The following CEP70 variants were observed in gnomAD, a reference collection of about 807,000 sequenced individuals.
CEP70 encodes centrosomal protein 70, also known as centrosomal protein of 70 kDa.
Under a neutral mutation model 90.9 loss-of-function variants are expected in CEP70, and 70 were observed. The ratio of observed to expected loss-of-function variants is 0.77; its 90% CI spans 0.64 to 0.94. CEP70 has a LOEUF of 0.94. Ranked by LOEUF, CEP70 falls within the 40% of genes least tolerant of loss-of-function variation. CEP70 has a pLI of 0.00. For missense variants in CEP70, 648 were observed against 669.0 expected, an observed-to-expected ratio of 0.97 and a Z score of 0.35; for synonymous variants, 220 against 228.3, an observed-to-expected ratio of 0.96 and a Z score of 0.33.
At chr3:138,583,179 A>G (rs115029473) in intron 2 of CEP70, among the ~76,000 whole-genome samples, 4,532 of 152,316 alleles carry the variant, frequency 0.03, 89 homozygotes, top group Middle Eastern at 0.099. Context: ...TATCAGACAA[A>G]AGAGATTTTA....
chr3:138,555,856 A>G (rs2039967777), intron 6 of CEP70, among the ~76,000 whole-genome samples: 1 of 152,228 alleles, frequency 6.6e-6, no homozygotes, highest in African/African-American at 2.4e-5. Flanking sequence ...AACAGTGTGG[A>G]GATTCATTAA....
intron 13 of CEP70, among the ~76,000 whole-genome samples, chr3:138,502,443 C>G: frequency 6.6e-6 from 1 of 152,150 alleles, no homozygotes; most frequent in Middle Eastern, 3.4e-3. Context: ...GTATCTTTAA[C>G]CTTTCAATTG....
At chr3:138,497,992 T>G (rs2034101371) in intron 17 of CEP70, 39 bp downstream of exon 17, 1 of 1,610,274 alleles carries the variant, frequency 6.2e-7, no homozygotes, top group African/African-American at 1.3e-5. Flanking sequence ...ACTGACATTT[T>G]AAGACTCAAA....
At chr3:138,525,468 A>G (rs746329438) in intron 11 of CEP70, 22 bp downstream of exon 11, 2 of 1,117,036 alleles carry the variant, frequency 1.8e-6, no homozygotes, top group East Asian at 2.8e-5. Flanking sequence ...AAAAGAGGCA[A>G]TTTTGGTAAA....
intron 3 of CEP70, among the ~76,000 whole-genome samples, chr3:138,571,735 GA>G (rs2041187237): frequency 6.7e-6 from 1 of 150,346 alleles, no homozygotes. Flanking sequence ...ATAATAACTG[GA>G]TAGTAAAGAA....
chr3:138,519,648 C>T (rs2036411035), intron 11 of CEP70, among the ~76,000 whole-genome samples: 1 of 152,146 alleles, frequency 6.6e-6, no homozygotes, highest in Non-Finnish European at 1.5e-5. Context: ...ATTTTGTCAC[C>T]ACCAGGCCTG....
chr3:138,495,950 C>G, intron 17 of CEP70: 2 of 985,250 alleles, frequency 2.0e-6, no homozygotes, highest in Non-Finnish European at 2.4e-6. Flanking sequence ...GTCCAGCTTA[C>G]CAGATAAACC....
chr3:138,499,340 C>T (rs1433408499), intron 16 of CEP70, among the ~76,000 whole-genome samples: 2 of 152,006 alleles, frequency 1.3e-5, no homozygotes, highest in Non-Finnish European at 2.9e-5. Context: ...GTTATAGATG[C>T]CTAGTCTTTT....
intron 2 of CEP70, among the ~76,000 whole-genome samples, chr3:138,588,872 T>A (rs1288017255): frequency 6.6e-6 from 1 of 152,254 alleles, no homozygotes; most frequent in Non-Finnish European, 1.5e-5. Flanking sequence ...AACTGTGGTA[T>A]ACCCATTGGA....
At chr3:138,585,933 A>G (rs937670619) in intron 2 of CEP70, among the ~76,000 whole-genome samples, 2 of 152,200 alleles carry the variant, frequency 1.3e-5, no homozygotes, top group African/African-American at 2.4e-5. Context: ...AAGTACTACA[A>G]AAAAATTGGG....
At chr3:138,499,797 C>T (rs2034318101) in intron 16 of CEP70, 1 of 266,992 alleles carries the variant, frequency 3.7e-6, no homozygotes, top group Admixed American at 4.5e-5. Context: ...CACACACACA[C>T]ACACACACAA....
At chr3:138,519,655 C>T (rs1049299410) in intron 11 of CEP70, among the ~76,000 whole-genome samples, 4 of 152,158 alleles carry the variant, frequency 2.6e-5, no homozygotes, top group South Asian at 4.1e-4. Flanking sequence ...CACCACCAGG[C>T]CTGTCCTACA....
chr3:138,531,281 C>T lies in CEP70; in HGVS notation c.692+1233G>A, dbSNP rs146455673. Among the ~76,000 whole-genome samples, 722 of 152,224 alleles carry T rather than the reference C, an allele frequency of 4.7e-3. 4 individuals are homozygous for T. Among genetic ancestry groups the T allele is most frequent in the African/African-American group, 0.017 (696 of 41,548 alleles). On this transcript the variant is annotated intron_variant, in intron 8 of 17. Transcript: ENST00000264982. ...AGAGAACCCCGTTTGCAGAACTCTACAAGTACCTCTCACATCATATTCTAC... is the reference window on the plus strand; with the variant it reads ...AGAGAACCCCGTTTGCAGAACTCTATAAGTACCTCTCACATCATATTCTAC...
intron 10 of CEP70, among the ~76,000 whole-genome samples, chr3:138,525,784 A>G (rs140838830): frequency 1.3e-5 from 2 of 152,252 alleles, no homozygotes; most frequent in Admixed American, 6.5e-5. Flanking sequence ...TTTTGCTGCT[A>G]ATCTGTTACT....
At chr3:138,556,481 T>C (rs575083133) in intron 6 of CEP70, among the ~76,000 whole-genome samples, 29 of 140,098 alleles carry the variant, frequency 2.1e-4, no homozygotes, top group Non-Finnish European at 3.4e-4. Flanking sequence ...TGAGCTTAGA[T>C]TGTGCCACTG....
At chr3:138,526,336 T>A (rs1021223174) in intron 10 of CEP70, among the ~76,000 whole-genome samples, 1 of 148,308 alleles carries the variant, frequency 6.7e-6, no homozygotes, top group Admixed American at 6.7e-5. Flanking sequence ...GATTTTTGTA[T>A]TTTTTTTGGT....
At position 138,557,614 on chromosome 3, in the gene CEP70, C is replaced by G. The variant is rs554118922; in HGVS notation, c.465+12704G>C. 4.6e-5 allele frequency among the ~76,000 whole-genome samples: 7 copies of G among 152,268 alleles called. No individual in the cohort carries two copies. The South Asian group carries it at 1.4e-3, about 32-fold the overall frequency. On this transcript the variant is annotated intron_variant, in intron 6 of 17. Coordinates refer to ENST00000264982, the MANE Select transcript of CEP70 (RefSeq NM_024491.4). ...CAGTCCCTCTGTTTGGGGTCCCTGA[C>G]TTCCCACAACAAAGAATGATACAAT...
At chr3:138,551,475 G>A (rs1161230873) in intron 6 of CEP70, among the ~76,000 whole-genome samples, 1 of 152,202 alleles carries the variant, frequency 6.6e-6, no homozygotes, top group Non-Finnish European at 1.5e-5. Context: ...GCTGGGTGCA[G>A]TGGTTCATGC....
chr3:138,593,524 G>T (rs572458044), intron 1 of CEP70, among the ~76,000 whole-genome samples: 1 of 152,240 alleles, frequency 6.6e-6, no homozygotes, highest in East Asian at 1.9e-4. Flanking sequence ...CGCCCTGCCT[G>T]TTTAATATCA....
Sources: allele counts gnomAD v4.1 joint callset (sites outside exome capture counted in the v4.1 genomes callset), GRCh38; gene constraint gnomAD v4.1.1; transcripts MANE v1.5; gene names NCBI Gene and HGNC (gene_info 2026-07-23, HGNC 2026-07-21).